Variants in ZNF480 observed in about 807,000 individuals in gnomAD.
The protein encoded by ZNF480 is zinc finger protein 480.
A neutral mutation model predicts 14.4 loss-of-function variants in ZNF480; 15 were observed. The ratio of observed to expected loss-of-function variants is 1.04; its 90% CI spans 0.70 to 1.60. The LOEUF (loss-of-function observed/expected upper bound fraction) is 1.60, where lower values mean the gene tolerates loss of function less well. Ranked by LOEUF, ZNF480 falls within the 40% of genes most tolerant of loss-of-function variation. The pLI is 0.00. For missense variants in ZNF480, 593 were observed against 629.7 expected (o/e 0.94, Z 0.62); for synonymous variants, 218 against 215.5 (o/e 1.01, Z -0.10).
At chr19:52,299,452 G>T (rs965392892) in intron 1 of ZNF480, among the ~76,000 whole-genome samples, 1 of 152,210 alleles carries the variant, frequency 6.6e-6, no homozygotes, top group Non-Finnish European at 1.5e-5. Flanking sequence ...CGTGCTGGTT[G>T]TAAGTTCCTG....
In ZNF480 at chr19:52,319,815, T is replaced by G. The variant is rs1490230727; in HGVS notation, c.329-1764T>G. Reference sequence around the variant, plus strand: ...GGTCTTTGTAGCTGATACTGTGTTTTTTTTTTTTTTTTTTTTTTTTAAATT... The same window carrying G: ...GGTCTTTGTAGCTGATACTGTGTTTGTTTTTTTTTTTTTTTTTTTTAAATT... On this transcript the variant is annotated intron_variant, in intron 4 of 4. Coordinates refer to ENST00000595962, the MANE Select transcript of ZNF480 (RefSeq NM_144684.4). Among the ~76,000 whole-genome samples the G allele has an allele frequency of 1.2e-3, 119 of 96,202 alleles. 2 individuals are homozygous for G. The highest frequency in any genetic ancestry group is 9.9e-4 in the African/African-American group (29 of 29,330). The allele number at this position is 96,202 out of a possible 152,430, so 63.1% of individuals were successfully genotyped here.
At position 52,324,292 on chromosome 19, in the gene ZNF480, A is replaced by G. The variant is rs1033433345; in HGVS notation, c.*1434A>G. 3.9e-5 allele frequency: 6 copies of G among 152,220 alleles called. No homozygotes were observed. 9.4% of individuals were successfully genotyped at this position (152,220 alleles called of 1,614,324 possible). On this transcript the variant is annotated 3_prime_UTR_variant, in exon 5 of 5. Transcript: ENST00000595962. ...TTACAAAGCAGTGCACAAAGAAATCAGAAACAATAAAAATTGAAAAATATC... is the reference window on the plus strand; with the variant it reads ...TTACAAAGCAGTGCACAAAGAAATCGGAAACAATAAAAATTGAAAAATATC...
intron 1 of ZNF480, among the ~76,000 whole-genome samples, chr19:52,298,635 GAAA>G (rs753452587): frequency 7.3e-6 from 1 of 136,788 alleles, no homozygotes; most frequent in Admixed American, 7.3e-5. Context: ...CCGTCTCAGG[GAAA>G]AAAAAAAAAA....
rs747135730 is a variant in ZNF480, at chr19:52,322,637, G to T, written c.1387G>T (p.Ala463Ser). Residue 463 changes from alanine (A) to serine (S), a missense_variant, in exon 5 of 5, where the codon GCA becomes TCA. Coordinates refer to ENST00000595962, the MANE Select transcript of ZNF480 (RefSeq NM_144684.4). The part of the protein sequence containing the change: ...KPYKCSECGK[A>S]FRHKLSLTNH... ...TTACAAATGTAGTGAATGTGGCAAG[G>T]CATTCAGACACAAGTTATCACTAAC... 1.9e-6 allele frequency: 3 copies of T among 1,613,980 alleles called. No homozygotes were observed. In the South Asian group the frequency reaches 3.3e-5, roughly 18 times the overall value.
At chr19:52,314,046 C>A in intron 2 of ZNF480, 107 bp from the exon 3 acceptor site, 1 of 1,262,866 alleles carries the variant, frequency 7.9e-7, no homozygotes, top group Non-Finnish European at 1.1e-6. Flanking sequence ...GGGGATTCGT[C>A]AGAACATTCT....
intron 2 of ZNF480, chr19:52,301,167 C>T (rs948243122): frequency 3.3e-5 from 5 of 152,454 alleles, no homozygotes; most frequent in Non-Finnish European, 5.9e-5. Flanking sequence ...TCACAGGATT[C>T]GGGATTCGGG....
rs1332165210 is a variant in ZNF480 at position 52,300,374 on chromosome 19, A to G, written c.-19-20A>G. 1.2e-6 allele frequency: 2 copies of G among 1,609,966 alleles called. No homozygotes were observed. Among genetic ancestry groups the G allele is most frequent in the African/African-American group, 2.7e-5 (2 of 74,778 alleles). On this transcript the variant is annotated intron_variant, in intron 1 of 4. Coordinates refer to ENST00000595962, the MANE Select transcript of ZNF480 (RefSeq NM_144684.4). ...GGTGTGTTGATTCTAAGCCCTAAAC[A>G]GCATATTTTTGACATTTAGGATTGA... is the stretch of plus-strand genomic sequence containing the variant.
chr19:52,301,041 T>C (rs772568138), intron 2 of ZNF480: 1 of 152,896 alleles, frequency 6.5e-6, no homozygotes, highest in Non-Finnish European at 1.5e-5. Flanking sequence ...CACGTTTCAT[T>C]GCTGCAAAAA....
intron 2 of ZNF480, 34 bp downstream of exon 2, chr19:52,300,518 C>T (rs756850135): frequency 6.2e-7 from 1 of 1,606,852 alleles, no homozygotes; most frequent in Non-Finnish European, 8.5e-7. Context: ...TGTTCTGTCT[C>T]CTTTCTTTCA....
chr19:52,314,248 G>A lies in ZNF480; in HGVS notation c.168G>A (p.Met56Ile). ...AGAGGGCTTTATACAAGGATGTGAT[G>A]TTGGAGAACTACAGGAACCTGGTCT... The part of the protein sequence containing the change: ...PAQRALYKDV[M>I]LENYRNLVSL... The change falls in exon 3 of 5, where the codon ATG becomes ATA. Residue 56 changes from methionine (M) to isoleucine (I), a missense_variant. By Grantham distance (10) the Met-to-Ile change is conservative. Coordinates refer to ENST00000595962, the MANE Select transcript of ZNF480 (RefSeq NM_144684.4). 2 of 1,576,154 alleles carry A rather than the reference G, an allele frequency of 1.3e-6. No homozygotes were observed. The highest frequency in any genetic ancestry group is 1.7e-6 in the Non-Finnish European group (2 of 1,156,232).
chr19:52,306,686 A>C (rs1180176549), intron 2 of ZNF480, among the ~76,000 whole-genome samples: 1 of 152,190 alleles, frequency 6.6e-6, no homozygotes, highest in African/African-American at 2.4e-5. Context: ...TAAATTCTTT[A>C]AGTATTTTAA....
At chr19:52,307,782 G>C (rs560714256) in intron 2 of ZNF480, among the ~76,000 whole-genome samples, 71 of 152,288 alleles carry the variant, frequency 4.7e-4, no homozygotes, top group Admixed American at 4.5e-3. Flanking sequence ...CAGCAAAAAC[G>C]TGTTGTTAAG....
chr19:52,309,645 G>A (rs960535386), intron 2 of ZNF480, among the ~76,000 whole-genome samples: 3 of 152,176 alleles, frequency 2.0e-5, no homozygotes, highest in African/African-American at 7.2e-5. Flanking sequence ...CTGGATGATG[G>A]CATGTCATGC....
chr19:52,306,639 A>G (rs976880894), intron 2 of ZNF480, among the ~76,000 whole-genome samples: 3 of 152,198 alleles, frequency 2.0e-5, no homozygotes, highest in Non-Finnish European at 2.9e-5. Flanking sequence ...TCCCATTACA[A>G]AAGGAGAACC....
rs2122131401 is a variant in ZNF480 at position 52,324,711 on chromosome 19, G to A, written c.*1853G>A. The A allele has an allele frequency of 6.6e-6, 1 of 152,224 alleles. No homozygotes were observed. Among genetic ancestry groups the A allele is most frequent in the East Asian group, 1.9e-4 (1 of 5,184 alleles). The allele number at this position is 152,224 out of a possible 1,614,324, so 9.4% of individuals were successfully genotyped here. On this transcript the variant is annotated 3_prime_UTR_variant, in exon 5 of 5. Transcript: ENST00000595962. ...GAACTTCATTCAATAAGTGGTGCTG[G>A]CATAACTGGCTAGCCATATGCAGGA...
chr19:52,298,558 GAGGC>G (rs1982528209), intron 1 of ZNF480, among the ~76,000 whole-genome samples: 1 of 152,002 alleles, frequency 6.6e-6, no homozygotes, highest in Non-Finnish European at 1.5e-5. Flanking sequence ...TTGAACCCGG[GAGGC>G]GGAGGTTGCA....
Position 52,302,541 on chromosome 19 carries a change from A to G in ZNF480, c.72+2057A>G, listed in dbSNP as rs934369645. Among the ~76,000 whole-genome samples the G allele has an allele frequency of 4.6e-5, 7 of 152,340 alleles. No homozygotes were observed. The East Asian group carries it at 1.3e-3, about 29-fold the overall frequency. On this transcript the variant is annotated intron_variant, in intron 2 of 4. Transcript: ENST00000595962. ...TGTTTTAATAAAAGCTGGAATGCCC[A>G]TCACTGCGAAGCATTGCAGAAAATG...
intron 2 of ZNF480, among the ~76,000 whole-genome samples, chr19:52,306,358 C>A (rs1014760636): frequency 6.6e-6 from 1 of 152,140 alleles, no homozygotes; most frequent in Non-Finnish European, 1.5e-5. Flanking sequence ...TTTTCCCAAG[C>A]TCTAATGCAC....
At chr19:52,308,307 C>CT (rs146136889) in intron 2 of ZNF480, among the ~76,000 whole-genome samples, 69,364 of 127,978 alleles carry the variant, frequency 0.54, 19,459 homozygotes, top group Non-Finnish European at 0.62. Flanking sequence ...TTTTTTTCTT[C>CT]TTTTTTTTTT....
Sources: allele counts gnomAD v4.1 joint callset (sites outside exome capture counted in the v4.1 genomes callset), GRCh38; gene constraint gnomAD v4.1.1; transcripts MANE v1.5; gene names NCBI Gene and HGNC (gene_info 2026-07-23, HGNC 2026-07-21).